MECOM: variants seen among roughly 807,000 people sequenced by gnomAD.
The protein encoded by MECOM is histone-lysine N-methyltransferase MECOM.
Under a neutral mutation model 116.3 loss-of-function variants are expected in MECOM, and 13 were observed. That is an observed-to-expected ratio of 0.11 (90% confidence interval 0.07 to 0.18). MECOM has a LOEUF of 0.18. Among genes scored for constraint, MECOM ranks in the 10% least tolerant of loss-of-function variants. MECOM has a pLI of 1.00. For synonymous variants in MECOM, 528 were observed against 535.2 expected (o/e 0.99, Z 0.19); for missense variants, 1,299 against 1,509.0 (o/e 0.86, Z 2.31).
chr3:169,522,042 G>C (rs1220519517), intron 1 of MECOM, among the ~76,000 whole-genome samples: 1 of 152,162 alleles, frequency 6.6e-6, no homozygotes, highest in Non-Finnish European at 1.5e-5. Context: ...AGCATCTGCA[G>C]ATTTTGGTAT....
intron 1 of MECOM, among the ~76,000 whole-genome samples, chr3:169,532,473 C>G (rs191381155): frequency 2.1e-4 from 32 of 152,304 alleles, no homozygotes; most frequent in African/African-American, 7.7e-4. Context: ...AATCCTGACT[C>G]CTTCATGGAC....
intron 2 of MECOM, among the ~76,000 whole-genome samples, chr3:169,346,235 C>T (rs997443462): frequency 6.6e-6 from 1 of 152,062 alleles, no homozygotes; most frequent in Non-Finnish European, 1.5e-5. Context: ...CTCATAACAA[C>T]CTAATTGCCT....
At chr3:169,465,681 A>G (rs13094827) in intron 1 of MECOM, among the ~76,000 whole-genome samples, 48,233 of 151,834 alleles carry the variant, frequency 0.32, 9,063 homozygotes, top group South Asian at 0.43. Context: ...AGATTAATTT[A>G]TCTTTCACAT....
At chr3:169,251,735 A>T (rs2149585265) in intron 2 of MECOM, among the ~76,000 whole-genome samples, 1 of 152,316 alleles carries the variant, frequency 6.6e-6, no homozygotes, top group South Asian at 2.1e-4. Context: ...GAATATGTGT[A>T]TAATTAAAAT....
At chr3:169,250,166 C>T (rs1471881233) in intron 2 of MECOM, among the ~76,000 whole-genome samples, 2 of 152,162 alleles carry the variant, frequency 1.3e-5, no homozygotes, top group African/African-American at 2.4e-5. Context: ...CAATTTTCAG[C>T]ATCAGTGGTT....
At chr3:169,087,551 T>C (rs537661486) in intron 16 of MECOM, among the ~76,000 whole-genome samples, 2 of 152,262 alleles carry the variant, frequency 1.3e-5, no homozygotes, top group Admixed American at 6.5e-5. Flanking sequence ...GAGCCGTGAT[T>C]GCACCACTGC....
chr3:169,441,246 C>T (rs1256454962), intron 1 of MECOM, among the ~76,000 whole-genome samples: 1 of 152,116 alleles, frequency 6.6e-6, no homozygotes, highest in Non-Finnish European at 1.5e-5. Flanking sequence ...ATCTCTAAAG[C>T]AGCGCAACCA....
chr3:169,118,669 A>AT, intron 7 of MECOM, among the ~76,000 whole-genome samples: 1 of 152,180 alleles, frequency 6.6e-6, no homozygotes, highest in East Asian at 1.9e-4. Flanking sequence ...AAGACTTGTC[A>AT]TTTTTTGGCA....
At chr3:169,271,280 G>C (rs774834652) in intron 2 of MECOM, among the ~76,000 whole-genome samples, 2 of 152,128 alleles carry the variant, frequency 1.3e-5, no homozygotes, top group Admixed American at 1.3e-4. Context: ...GCACAGCCAC[G>C]TCTTCACATC....
intron 1 of MECOM, among the ~76,000 whole-genome samples, chr3:169,619,751 T>G (rs550147243): frequency 7.2e-5 from 11 of 152,300 alleles, no homozygotes; most frequent in African/African-American, 2.4e-4. Flanking sequence ...TGCCCAAGAA[T>G]TTTCCTCAGA....
chr3:169,624,505 C>G (rs1282019974), intron 1 of MECOM, among the ~76,000 whole-genome samples: 2 of 152,182 alleles, frequency 1.3e-5, no homozygotes, highest in Non-Finnish European at 2.9e-5. Context: ...AGCAACACCA[C>G]CAAGTGGGTG....
At chr3:169,240,838 C>T (rs994883840) in intron 2 of MECOM, among the ~76,000 whole-genome samples, 1 of 152,114 alleles carries the variant, frequency 6.6e-6, no homozygotes, top group African/African-American at 2.4e-5. Flanking sequence ...GAGCCCAAAT[C>T]CCCCTTTTTA....
chr3:169,349,181 C>G (rs768405994), intron 2 of MECOM, among the ~76,000 whole-genome samples: 4 of 151,662 alleles, frequency 2.6e-5, no homozygotes, highest in Admixed American at 6.6e-5. Flanking sequence ...GTGAGCTCCA[C>G]ACTTGGAGTA....
chr3:169,468,584 C>T (rs1748690704), intron 1 of MECOM, among the ~76,000 whole-genome samples: 1 of 152,124 alleles, frequency 6.6e-6, no homozygotes, highest in South Asian at 2.1e-4. Context: ...GTTTTCTCAC[C>T]TGCAAAATGT....
intron 5 of MECOM, 69 bp downstream of exon 5, chr3:169,127,775 G>C: frequency 7.1e-7 from 1 of 1,400,076 alleles, no homozygotes; most frequent in South Asian, 1.2e-5. Flanking sequence ...TCTGCACAAA[G>C]CCTCAAAATT....
chr3:169,139,435 A>G (rs1177344729), intron 3 of MECOM, among the ~76,000 whole-genome samples: 1 of 152,142 alleles, frequency 6.6e-6, no homozygotes, highest in East Asian at 1.9e-4. Flanking sequence ...ACACACACTT[A>G]CATATACAAA....
At chr3:169,610,498 CGTGTGTGT>C (rs3045470) in intron 1 of MECOM, among the ~76,000 whole-genome samples, 1 of 128,606 alleles carries the variant, frequency 7.8e-6, no homozygotes. Context: ...TGTAATGTTA[CGTGTGTGT>C]GTGTGTGTGT....
At chr3:169,126,604 T>C (rs1325260523) in intron 5 of MECOM, among the ~76,000 whole-genome samples, 1 of 152,082 alleles carries the variant, frequency 6.6e-6, no homozygotes, top group Non-Finnish European at 1.5e-5. Context: ...AGCCCTCTTG[T>C]TCGGTAAAAT....
chr3:169,189,969 T>C (rs1335483910), intron 2 of MECOM, among the ~76,000 whole-genome samples: 1 of 151,856 alleles, frequency 6.6e-6, no homozygotes, highest in East Asian at 1.9e-4. Context: ...TTATGATATC[T>C]GAACTCATCT....
Sources: gnomAD v4.1 joint callset for allele counts (sites outside exome capture counted in the v4.1 genomes callset) on GRCh38, gnomAD v4.1.1 for gene constraint, MANE v1.5 for transcripts, NCBI Gene and HGNC (gene_info 2026-07-23, HGNC 2026-07-21) for gene names.